NKAIN2: variants seen among roughly 807,000 people sequenced by gnomAD.
NKAIN2 encodes the protein sodium/potassium transporting ATPase interacting 2, also known as sodium/potassium-transporting ATPase subunit beta-1-interacting protein 2.
A neutral mutation model predicts 32.6 loss-of-function variants in NKAIN2; 14 were observed. The observed-to-expected ratio is 0.43, with a 90% CI of 0.28 to 0.67. The LOEUF (loss-of-function observed/expected upper bound fraction) is 0.67. Ranked by LOEUF, NKAIN2 falls within the 30% of genes least tolerant of loss-of-function variation. The probability of loss-of-function intolerance (pLI) is 0.17; values close to 1 mark genes in which losing one functional copy is unlikely to be tolerated. For missense variants in NKAIN2, 198 were observed against 258.3 expected (o/e 0.77, Z 1.60); for synonymous variants, 80 against 87.2 (o/e 0.92, Z 0.46).
intron 2 of NKAIN2, among the ~76,000 whole-genome samples, chr6:124,339,175 T>A (rs1798008510): frequency 1.3e-5 from 2 of 152,054 alleles, no homozygotes; most frequent in African/African-American, 4.8e-5. Flanking sequence ...ACCCTATCTG[T>A]ACTAAAAATA....
chr6:124,452,502 C>G (rs1441239171), intron 3 of NKAIN2, among the ~76,000 whole-genome samples: 1 of 151,888 alleles, frequency 6.6e-6, no homozygotes, highest in Non-Finnish European at 1.5e-5. Flanking sequence ...TAAATGAATG[C>G]TTAAAGATTT....
intron 2 of NKAIN2, among the ~76,000 whole-genome samples, chr6:124,340,008 A>G (rs994305683): frequency 2.6e-5 from 4 of 152,100 alleles, no homozygotes; most frequent in African/African-American, 9.7e-5. Context: ...ATTTTATTTT[A>G]TTTTTTAGTG....
chr6:124,624,456 T>A (rs609783), intron 3 of NKAIN2, among the ~76,000 whole-genome samples: 27,348 of 152,146 alleles, frequency 0.18, 2,512 homozygotes, highest in Middle Eastern at 0.23. Context: ...CCAATTAAAG[T>A]GATGGAGCAT....
chr6:124,224,145 T>C (rs993855261), intron 1 of NKAIN2, among the ~76,000 whole-genome samples: 2 of 152,180 alleles, frequency 1.3e-5, no homozygotes, highest in African/African-American at 4.8e-5. Flanking sequence ...ATATTCTGCA[T>C]ACATTTACAT....
intron 6 of NKAIN2, among the ~76,000 whole-genome samples, chr6:124,820,716 T>C (rs1781359232): frequency 6.6e-6 from 1 of 152,172 alleles, no homozygotes; most frequent in Non-Finnish European, 1.5e-5. Flanking sequence ...GGAACATTAC[T>C]GCCTAAGCTC....
At chr6:124,129,954 T>A (rs7750560) in intron 1 of NKAIN2, among the ~76,000 whole-genome samples, 12,238 of 152,196 alleles carry the variant, frequency 0.08, 981 homozygotes, top group African/African-American at 0.21. Context: ...TATAATGTAC[T>A]TATCTCATGT....
At chr6:123,916,692 A>G (rs1185149339) in intron 1 of NKAIN2, among the ~76,000 whole-genome samples, 1 of 152,118 alleles carries the variant, frequency 6.6e-6, no homozygotes, top group African/African-American at 2.4e-5. Context: ...TTTAGATGCC[A>G]AACCTGTCAA....
At chr6:124,076,857 T>C (rs17086577) in intron 1 of NKAIN2, among the ~76,000 whole-genome samples, 11,096 of 152,282 alleles carry the variant, frequency 0.073, 563 homozygotes, top group East Asian at 0.23. Flanking sequence ...TGAGCTCATA[T>C]AGGTTTTACA....
intron 1 of NKAIN2, among the ~76,000 whole-genome samples, chr6:124,219,297 A>G (rs1044851400): frequency 1.8e-4 from 18 of 101,884 alleles, no homozygotes; most frequent in Non-Finnish European, 3.5e-4. Context: ...TTTTTTTTTG[A>G]GACAGAGTCT....
chr6:124,414,836 G>T (rs1774385306), intron 3 of NKAIN2, among the ~76,000 whole-genome samples: 1 of 152,040 alleles, frequency 6.6e-6, no homozygotes, highest in South Asian at 2.1e-4. Flanking sequence ...TTCCAGTGAA[G>T]CTACCCTCTT....
intron 4 of NKAIN2, among the ~76,000 whole-genome samples, chr6:124,731,082 G>A (rs1296928603): frequency 7.0e-6 from 1 of 143,422 alleles, no homozygotes; most frequent in Admixed American, 7.2e-5. Flanking sequence ...AGAGGATGTG[G>A]AGAAATAGGA....
At chr6:124,209,039 T>C (rs1013190639) in intron 1 of NKAIN2, among the ~76,000 whole-genome samples, 12 of 151,490 alleles carry the variant, frequency 7.9e-5, no homozygotes, top group Admixed American at 4.6e-4. Context: ...TCACCTTATT[T>C]TGGTACTGAA....
intron 3 of NKAIN2, among the ~76,000 whole-genome samples, chr6:124,586,959 C>G (rs1330292519): frequency 1.3e-5 from 2 of 152,176 alleles, no homozygotes; most frequent in African/African-American, 4.8e-5. Context: ...TATACAACTC[C>G]TCTTATATTA....
At chr6:124,289,555 T>A in intron 2 of NKAIN2, among the ~76,000 whole-genome samples, 1 of 152,180 alleles carries the variant, frequency 6.6e-6, no homozygotes, top group East Asian at 1.9e-4. Context: ...TGGTTCTGTA[T>A]AAGTAAAGAA....
rs902911416 is a variant in NKAIN2, at chr6:124,674,039, T to G, written c.474+15653T>G. On this transcript the variant is annotated intron_variant, in intron 4 of 6. Coordinates refer to ENST00000368417, the MANE Select transcript of NKAIN2 (RefSeq NM_001040214.3). ...CTTTCTTCCATTTTGATTTGGTTTT[T>G]GTATATATTAGTTCAGTTTCTTTCT... Among the ~76,000 whole-genome samples the G allele has an allele frequency of 5.3e-5, 8 of 152,038 alleles. No homozygotes were observed. The East Asian group carries it at 1.5e-3, about 29-fold the overall frequency.
At chr6:124,075,102 G>A (rs554620072) in intron 1 of NKAIN2, among the ~76,000 whole-genome samples, 2 of 152,286 alleles carry the variant, frequency 1.3e-5, no homozygotes, top group South Asian at 4.1e-4. Context: ...ATTGAGGCAT[G>A]TGTTAACTAT....
At chr6:124,741,967 C>G (rs776784424) in intron 4 of NKAIN2, among the ~76,000 whole-genome samples, 1 of 151,774 alleles carries the variant, frequency 6.6e-6, no homozygotes, top group African/African-American at 2.4e-5. Flanking sequence ...TATTTAACAA[C>G]GAAACAATGA....
At chr6:124,106,613 T>C (rs1036597395) in intron 1 of NKAIN2, among the ~76,000 whole-genome samples, 2 of 152,166 alleles carry the variant, frequency 1.3e-5, no homozygotes, top group Admixed American at 1.3e-4. Context: ...AAAATAAGTG[T>C]TCATTATTCT....
chr6:124,120,255 G>T (rs183325473), intron 1 of NKAIN2, among the ~76,000 whole-genome samples: 49 of 152,148 alleles, frequency 3.2e-4, no homozygotes, highest in African/African-American at 1.2e-3. Context: ...TTTTCCCATG[G>T]AATGTGGTTT....
Sources: gnomAD v4.1 joint callset for allele counts (sites outside exome capture counted in the v4.1 genomes callset) on GRCh38, gnomAD v4.1.1 for gene constraint, MANE v1.5 for transcripts, NCBI Gene and HGNC (gene_info 2026-07-23, HGNC 2026-07-21) for gene names.